SH3BP4: variants seen among roughly 807,000 people sequenced by gnomAD.
The protein encoded by SH3BP4 is SH3 domain-binding protein 4.
SH3BP4 carries 33 observed loss-of-function variants against 65.5 expected under a neutral mutation model. The ratio of observed to expected loss-of-function variants is 0.50; its 90% CI spans 0.38 to 0.67. SH3BP4 has a LOEUF of 0.67. Ranked by LOEUF, SH3BP4 falls within the 30% of genes least tolerant of loss-of-function variation. The pLI, the probability that SH3BP4 is intolerant of heterozygous loss-of-function variation, is 0.00. For missense variants in SH3BP4, 1,134 were observed against 1,261.4 expected, an observed-to-expected ratio of 0.90 and a Z score of 1.53; for synonymous variants, 552 against 545.5, an observed-to-expected ratio of 1.01 and a Z score of -0.17.
rs1413419168 is a variant in SH3BP4 at position 235,025,859 on chromosome 2, GC to G, written c.-132-9009del. ...GGTTTTGATGTTATAGAAATGGGGA[GC>G]CCTGTTGGGTCTTCAAGAAAGTGGG... is the stretch of plus-strand genomic sequence containing the variant. On this transcript the variant is annotated intron_variant, in intron 2 of 5. Transcript: ENST00000392011. 2.0e-5 allele frequency among the ~76,000 whole-genome samples: 3 copies of G among 152,202 alleles called. No homozygotes were observed. The East Asian group carries it at 5.8e-4, about 29-fold the overall frequency.
At chr2:234,962,947 A>ACCAGGCTGG (rs1214408522) in intron 1 of SH3BP4, among the ~76,000 whole-genome samples, 1 of 152,116 alleles carries the variant, frequency 6.6e-6, no homozygotes, top group African/African-American at 2.4e-5. Flanking sequence ...ACACAGTTTC[A>ACCAGGCTGG]CCAGGCTGGC....
rs6721471 is a variant in SH3BP4 at position 234,967,594 on chromosome 2, T to C, written c.-207+15424T>C. On this transcript the variant is annotated intron_variant, in intron 1 of 5. Transcript: ENST00000392011. This position sits in a 1 kb window ranked among gnomAD's most constrained non-coding sequence, Gnocchi z 4.6. ...GGTATTGGAGCTGCGCTCATTGCAA[T>C]AAGGAATTATTCTCATGGCTCCATA... is the stretch of plus-strand genomic sequence containing the variant. 0.074 allele frequency among the ~76,000 whole-genome samples: 11,262 copies of C among 152,230 alleles called. 1,303 individuals are homozygous for C. The highest frequency in any genetic ancestry group is 0.25 in the African/African-American group (10,224 of 41,518).
chr2:234,998,228 C>CT (rs1693984653), intron 2 of SH3BP4, among the ~76,000 whole-genome samples: 1 of 152,214 alleles, frequency 6.6e-6, no homozygotes, highest in Non-Finnish European at 1.5e-5. Flanking sequence ...AGCTGGGTGC[C>CT]TGGGGGGGCA....
chr2:235,053,551 C>T, intron 5 of SH3BP4, 41 bp from the exon 6 acceptor site: 1 of 1,479,676 alleles, frequency 6.8e-7, no homozygotes, highest in Non-Finnish European at 9.4e-7. Flanking sequence ...AATCTTTCTT[C>T]CTCTCTCCCT....
At chr2:235,032,720 C>A (rs1444504748) in intron 2 of SH3BP4, among the ~76,000 whole-genome samples, 2 of 151,772 alleles carry the variant, frequency 1.3e-5, no homozygotes, top group Non-Finnish European at 2.9e-5. Flanking sequence ...GGGTGCTGTG[C>A]CGTCAGCGCT....
chr2:235,020,506 G>A (rs1056770103), intron 2 of SH3BP4, among the ~76,000 whole-genome samples: 4 of 152,040 alleles, frequency 2.6e-5, no homozygotes, highest in Admixed American at 6.6e-5. Context: ...GGAAAAAAAA[G>A]AGCAGAAAAA....
At chr2:235,051,795 C>T (rs566674966) in intron 4 of SH3BP4, among the ~76,000 whole-genome samples, 4 of 152,116 alleles carry the variant, frequency 2.6e-5, no homozygotes, top group African/African-American at 4.8e-5. Context: ...ATGTCAGCAC[C>T]GCACACTCAG....
rs139172354 is a variant in SH3BP4, at chr2:235,042,961, C to G, written c.2192C>G (p.Ser731Trp). 1 of 1,613,030 alleles carries G rather than the reference C, an allele frequency of 6.2e-7. No individual in the cohort carries two copies. The highest frequency in any genetic ancestry group is 2.2e-5 in the East Asian group (1 of 44,840). ...VVGRARPSLC[S>W]GPELSTSVLL... is the part of the protein sequence containing the mutation. ...GGCAGGGCCCGGCCCAGCCTGTGCT[C>G]GGGCCCCGAGCTGAGCACCTCGGTG... Residue 731 changes from serine (S) to tryptophan (W), a missense_variant, in exon 4 of 6, where the codon TCG (serine) becomes TGG (tryptophan). Transcript: ENST00000392011. This position sits in a 1 kb window ranked among gnomAD's most constrained non-coding sequence, Gnocchi z 7.3.
At chr2:235,024,094 G>A (rs1694924243) in intron 2 of SH3BP4, among the ~76,000 whole-genome samples, 1 of 152,320 alleles carries the variant, frequency 6.6e-6, no homozygotes, top group South Asian at 2.1e-4. Context: ...TGATGGACAT[G>A]TGAGCTCTTC....
At position 234,991,737 on chromosome 2, in the gene SH3BP4, A is replaced by G. The variant is rs1693754203; in HGVS notation, c.-206-3566A>G. On this transcript the variant is annotated intron_variant, in intron 1 of 5. Transcript: ENST00000392011. This position sits in a 1 kb window ranked among gnomAD's most constrained non-coding sequence, Gnocchi z 4.2. ...CCTTGGGCCTCTGGAGAGGTTGATC[A>G]GGAGTTGGGGAAGTGGAAAGGGGCC... Among the ~76,000 whole-genome samples the G allele has an allele frequency of 6.6e-6, 1 of 152,196 alleles. No individual in the cohort carries two copies. The highest frequency in any genetic ancestry group is 1.5e-5 in the Non-Finnish European group (1 of 68,038).
chr2:235,018,489 C>G (rs1303085513), intron 2 of SH3BP4, among the ~76,000 whole-genome samples: 1 of 152,156 alleles, frequency 6.6e-6, no homozygotes, highest in East Asian at 1.9e-4. Flanking sequence ...CTGGCATAAG[C>G]TTGCCTTCAG....
Position 234,997,607 on chromosome 2 carries a change from C to T in SH3BP4, c.-133+2231C>T, listed in dbSNP as rs534516312. On this transcript the variant is annotated intron_variant, in intron 2 of 5. Transcript: ENST00000392011. The surrounding 1 kb of genome is among the most constrained non-coding windows in gnomAD (Gnocchi z 4.2). ...TGTCAGCTAGGGGACGGAGCCGGTG[C>T]GGAGATCGAGGCCCCACAAGGCCTG... Among the ~76,000 whole-genome samples the T allele has an allele frequency of 1.5e-4, 23 of 152,244 alleles. No individual in the cohort carries two copies. The East Asian group carries it at 4.3e-3, about 28-fold the overall frequency.
At chr2:234,980,835 C>T (rs1258591535) in intron 1 of SH3BP4, among the ~76,000 whole-genome samples, 1 of 152,190 alleles carries the variant, frequency 6.6e-6, no homozygotes, top group Admixed American at 6.5e-5. Flanking sequence ...TCCTCCCATG[C>T]GGAAATCCTT....
At chr2:235,024,080 TA>T (rs1486801315) in intron 2 of SH3BP4, among the ~76,000 whole-genome samples, 3 of 152,218 alleles carry the variant, frequency 2.0e-5, no homozygotes, top group African/African-American at 4.8e-5. Flanking sequence ...TCTCGATTAG[TA>T]ATTGATGGAC....
At position 235,038,255 on chromosome 2, in the gene SH3BP4, A is replaced by G. The variant is rs1433024290; in HGVS notation, c.119-2633A>G. On this transcript the variant is annotated intron_variant, in intron 3 of 5. Coordinates refer to ENST00000392011, the MANE Select transcript of SH3BP4 (RefSeq NM_014521.3). Reference sequence around the variant, plus strand: ...TATGTATTTTATATATATATTATATATAATATATATTATATATAATATATA... The same window carrying G: ...TATGTATTTTATATATATATTATATGTAATATATATTATATATAATATATA... 1.7e-4 allele frequency among the ~76,000 whole-genome samples: 7 copies of G among 40,064 alleles called. 1 individual carries two copies. The highest frequency in any genetic ancestry group is 2.5e-4 in the Non-Finnish European group (7 of 27,476). The allele number at this position is 40,064 out of a possible 152,430, so 26.3% of individuals were successfully genotyped here.
At chr2:235,044,066 C>T (rs1017692503) in intron 4 of SH3BP4, among the ~76,000 whole-genome samples, 2 of 152,240 alleles carry the variant, frequency 1.3e-5, no homozygotes, top group African/African-American at 4.8e-5. Context: ...CCAACAGGGT[C>T]TCTGACTCCA....
At chr2:234,961,646 G>A (rs1451948230) in intron 1 of SH3BP4, among the ~76,000 whole-genome samples, 3 of 152,136 alleles carry the variant, frequency 2.0e-5, no homozygotes, top group Non-Finnish European at 4.4e-5. Context: ...TTGTGTACAT[G>A]TACCATAGTT....
chr2:234,961,367 G>A (rs1469535752), intron 1 of SH3BP4, among the ~76,000 whole-genome samples: 3 of 152,220 alleles, frequency 2.0e-5, no homozygotes, highest in African/African-American at 7.2e-5. Context: ...CACCCACTGA[G>A]TTGAAGTGAT....
Position 235,053,528 on chromosome 2 carries a change from C to G in SH3BP4, c.2668-64C>G, listed in dbSNP as rs951200611. ...TGCACCAAGTAATAGGAACAAATCT[C>G]GTTCTGTCTCCTAATCTTTCTTCCT... is the stretch of plus-strand genomic sequence containing the variant. On this transcript the variant is annotated intron_variant, in intron 5 of 5. Coordinates refer to ENST00000392011, the MANE Select transcript of SH3BP4 (RefSeq NM_014521.3). 12 of 1,263,370 alleles carry G rather than the reference C, an allele frequency of 9.5e-6. No individual in the cohort carries two copies. The East Asian group carries it at 2.6e-4, about 27-fold the overall frequency. The allele number at this position is 1,263,370 out of a possible 1,614,324, so 78.3% of individuals were successfully genotyped here. A position where few individuals can be genotyped will look rare whatever the true frequency, so the allele number is the denominator to read the frequency against.
Sources: allele counts gnomAD v4.1 joint callset (sites outside exome capture counted in the v4.1 genomes callset), GRCh38; gene constraint gnomAD v4.1.1; non-coding constraint Gnocchi (gnomAD v3.1); transcripts MANE v1.5; gene names NCBI Gene and HGNC (gene_info 2026-07-23, HGNC 2026-07-21).